Variants in MLLT3 observed in about 807,000 individuals in gnomAD.
MLLT3 encodes protein AF-9.
MLLT3 carries 4 observed loss-of-function variants against 53.2 expected under a neutral mutation model. That is an observed-to-expected ratio of 0.08 (90% CI 0.04 to 0.17). The LOEUF is 0.17. Ranked by LOEUF, MLLT3 falls within the 10% of genes least tolerant of loss-of-function variation. The pLI, the probability that MLLT3 is intolerant of heterozygous loss-of-function variation, is 1.00. For synonymous variants in MLLT3, 283 were observed against 230.6 expected (o/e 1.23, Z -2.06); for missense variants, 569 against 684.0 (o/e 0.83, Z 1.87).
At chr9:20,406,242 T>G (rs1302947089) in intron 5 of MLLT3, among the ~76,000 whole-genome samples, 2 of 152,140 alleles carry the variant, frequency 1.3e-5, no homozygotes, top group Non-Finnish European at 2.9e-5. Flanking sequence ...AGACCCTGTC[T>G]CAAAAATAAA....
intron 2 of MLLT3, among the ~76,000 whole-genome samples, chr9:20,569,673 T>C (rs975622971): frequency 6.6e-6 from 1 of 152,206 alleles, no homozygotes; most frequent in Non-Finnish European, 1.5e-5. Flanking sequence ...CCTTGGTATT[T>C]AGAACACCCA....
intron 2 of MLLT3, among the ~76,000 whole-genome samples, chr9:20,611,256 G>A (rs898979721): frequency 1.3e-5 from 2 of 151,918 alleles, no homozygotes; most frequent in African/African-American, 4.8e-5. Flanking sequence ...AGGGGAAATG[G>A]GACATAAAAA....
intron 2 of MLLT3, among the ~76,000 whole-genome samples, chr9:20,589,227 C>T (rs984171590): frequency 6.6e-6 from 1 of 151,514 alleles, no homozygotes; most frequent in African/African-American, 2.4e-5. Context: ...AAATGTGGCA[C>T]ATATACACCA....
chr9:20,525,939 A>G (rs1818189041), intron 2 of MLLT3, among the ~76,000 whole-genome samples: 1 of 152,226 alleles, frequency 6.6e-6, no homozygotes, highest in Non-Finnish European at 1.5e-5. Context: ...AAAAAGCAAT[A>G]CATTTTATAA....
intron 2 of MLLT3, among the ~76,000 whole-genome samples, chr9:20,556,104 G>A (rs878950269): frequency 2.6e-5 from 4 of 151,744 alleles, no homozygotes; most frequent in South Asian, 2.1e-4. Flanking sequence ...AGTAATAAAC[G>A]AATTTATAAA....
At chr9:20,563,501 C>A (rs1466955099) in intron 2 of MLLT3, among the ~76,000 whole-genome samples, 1 of 152,040 alleles carries the variant, frequency 6.6e-6, no homozygotes, top group African/African-American at 2.4e-5. Context: ...TCCAGATTCC[C>A]TTATGTGCAC....
At chr9:20,426,962 A>T (rs1823153243) in intron 4 of MLLT3, among the ~76,000 whole-genome samples, 1 of 152,030 alleles carries the variant, frequency 6.6e-6, no homozygotes, top group South Asian at 2.1e-4. Context: ...GCACATTTGG[A>T]GACCTAAACC....
intron 2 of MLLT3, among the ~76,000 whole-genome samples, chr9:20,509,623 T>G (rs1273983106): frequency 1.3e-5 from 2 of 152,202 alleles, no homozygotes; most frequent in Non-Finnish European, 1.5e-5. Context: ...GATACCATGT[T>G]AAAAATAAGC....
intron 2 of MLLT3, among the ~76,000 whole-genome samples, chr9:20,584,749 C>G (rs573235307): frequency 4.6e-5 from 7 of 152,198 alleles, no homozygotes; most frequent in Non-Finnish European, 7.3e-5. Flanking sequence ...CACGTGGGAA[C>G]TCTGGGAGAT....
chr9:20,604,996 T>C (rs192764932), intron 2 of MLLT3, among the ~76,000 whole-genome samples: 1 of 152,226 alleles, frequency 6.6e-6, no homozygotes, highest in Admixed American at 6.6e-5. Context: ...AACTCACTTA[T>C]AAAAACTACT....
At chr9:20,560,614 T>C (rs753465994) in intron 2 of MLLT3, among the ~76,000 whole-genome samples, 2 of 152,126 alleles carry the variant, frequency 1.3e-5, no homozygotes, top group Admixed American at 6.6e-5. Flanking sequence ...GAAAACCTAA[T>C]AGTAGAAGAA....
At chr9:20,590,411 C>A (rs1331475846) in intron 2 of MLLT3, among the ~76,000 whole-genome samples, 1 of 152,162 alleles carries the variant, frequency 6.6e-6, no homozygotes, top group Non-Finnish European at 1.5e-5. Flanking sequence ...GGGCCCCAGT[C>A]GGAGGTGATT....
intron 4 of MLLT3, among the ~76,000 whole-genome samples, chr9:20,420,731 A>G (rs1478377537): frequency 6.6e-6 from 1 of 152,138 alleles, no homozygotes; most frequent in Non-Finnish European, 1.5e-5. Flanking sequence ...GTTCTAGGGT[A>G]CATGTGCACA....
chr9:20,496,858 C>A (rs1825091078), intron 2 of MLLT3, among the ~76,000 whole-genome samples: 1 of 152,218 alleles, frequency 6.6e-6, no homozygotes, highest in Non-Finnish European at 1.5e-5. Context: ...CATACCTATA[C>A]AGATGATAGG....
intron 2 of MLLT3, among the ~76,000 whole-genome samples, chr9:20,500,804 A>G (rs1289433012): frequency 2.6e-5 from 4 of 152,224 alleles, no homozygotes; most frequent in African/African-American, 9.6e-5. Flanking sequence ...TACTTACCAC[A>G]GGTCATATAG....
At chr9:20,498,406 C>T (rs1041591540) in intron 2 of MLLT3, among the ~76,000 whole-genome samples, 1 of 151,984 alleles carries the variant, frequency 6.6e-6, no homozygotes, top group African/African-American at 2.4e-5. Context: ...AGTATCTTTT[C>T]TTGTGCTTCT....
intron 2 of MLLT3, among the ~76,000 whole-genome samples, chr9:20,610,363 T>A (rs567944135): frequency 1.3e-5 from 2 of 152,184 alleles, no homozygotes; most frequent in Admixed American, 1.3e-4. Context: ...AAATTCATTT[T>A]TGCCTATTAC....
intron 4 of MLLT3, among the ~76,000 whole-genome samples, chr9:20,430,183 A>T (rs1823230977): frequency 6.6e-6 from 1 of 152,212 alleles, no homozygotes; most frequent in Non-Finnish European, 1.5e-5. Flanking sequence ...GATACTTTAA[A>T]GACATTAAAT....
chr9:20,530,085 T>C (rs1029221781), intron 2 of MLLT3, among the ~76,000 whole-genome samples: 7 of 152,214 alleles, frequency 4.6e-5, no homozygotes, highest in Non-Finnish European at 1.0e-4. Context: ...GGAAAGCCTA[T>C]ACACGTCAAC....
Sources: gnomAD v4.1 joint callset for allele counts (sites outside exome capture counted in the v4.1 genomes callset) on GRCh38, gnomAD v4.1.1 for gene constraint, MANE v1.5 for transcripts, NCBI Gene and HGNC (gene_info 2026-07-23, HGNC 2026-07-21) for gene names.